Variants in LCAT observed in about 807,000 individuals in gnomAD.
The protein encoded by LCAT is phosphatidylcholine-sterol acyltransferase.
A neutral mutation model predicts 41.0 loss-of-function variants in LCAT; 15 were observed. The observed-to-expected ratio is 0.37, with a 90% CI of 0.24 to 0.56. The LOEUF is 0.56. Among genes scored for constraint, LCAT ranks in the 20% least tolerant of loss-of-function variants. The pLI, the probability that LCAT is intolerant of heterozygous loss-of-function variation, is 0.81. For missense variants in LCAT, 449 were observed against 595.1 expected (o/e 0.75, Z 2.55); for synonymous variants, 248 against 245.4 (o/e 1.01, Z -0.10).
At chr16:67,941,713 G>A (rs750154983) in intron 5 of LCAT, 15 of 995,728 alleles carry the variant, frequency 1.5e-5, no homozygotes, top group Non-Finnish European at 1.8e-5. Flanking sequence ...GGGCGGTGCT[G>A]GCTGTCCTCC....
rs368097111 is a variant in LCAT, at chr16:67,942,996, C to G, written c.312-20G>C. On this transcript the variant is annotated intron_variant, in intron 2 of 5. Coordinates refer to ENST00000264005, the MANE Select transcript of LCAT (RefSeq NM_000229.2). The surrounding 1 kb of genome is among the most constrained non-coding windows in gnomAD (Gnocchi z 6.6). ...ACAACCCTGCGGGGCGGGGGTGCCA[C>G]TCAGCAGCCAGTAGCCAAGGGGCAG... The G allele has an allele frequency of 4.3e-6, 7 of 1,613,664 alleles. No homozygotes were observed. The highest frequency in any genetic ancestry group is 5.1e-6 in the Non-Finnish European group (6 of 1,179,946).
In LCAT at chr16:67,942,350, G is replaced by C. The variant is rs750086555; in HGVS notation, c.748+13C>G. On this transcript the variant is annotated intron_variant, in intron 5 of 5. Transcript: ENST00000264005. This position sits in a 1 kb window ranked among gnomAD's most constrained non-coding sequence, Gnocchi z 6.6. Reference sequence around the variant, plus strand: ...CACCCATCGCTGGACCTAAGTGTTCGAGGCCTTCTCACCTGAGGCCAAGAC... The same window carrying C: ...CACCCATCGCTGGACCTAAGTGTTCCAGGCCTTCTCACCTGAGGCCAAGAC... 6.2e-6 allele frequency: 10 copies of C among 1,612,546 alleles called. No individual in the cohort carries two copies. The highest frequency in any genetic ancestry group is 1.3e-5 in the African/African-American group (1 of 74,890).
Position 67,943,258 on chromosome 16 carries a change from C to A in LCAT, c.155-46G>T, listed in dbSNP as rs1045288006. The stretch of plus-strand genomic sequence containing the variant: ...TCTGGACTCTGGATTCCCCCCGTGA[C>A]CCTTACCCCCGTCACCCCAGATGCT... On this transcript the variant is annotated intron_variant, in intron 1 of 5. Transcript: ENST00000264005. The surrounding 1 kb of genome is among the most constrained non-coding windows in gnomAD (Gnocchi z 4.6). 2 of 1,572,256 alleles carry A rather than the reference C, an allele frequency of 1.3e-6. No homozygotes were observed. The highest frequency in any genetic ancestry group is 2.7e-5 in the African/African-American group (2 of 72,972).
In LCAT at chr16:67,942,965, T is replaced by C. The variant is rs761902457; in HGVS notation, c.323A>G (p.Asn108Ser). The stretch of plus-strand genomic sequence containing the variant: ...GTTGGACACGAGCCCAGAGCTCCGG[T>C]TGTAGACAACCCTGCGGGGCGGGGG... Reference protein sequence around the residue: ...CWIDNTRVVYNRSSGLVSNAP... With the variant: ...CWIDNTRVVYSRSSGLVSNAP... The change falls in exon 3 of 6, where the codon AAC becomes AGC. Residue 108 changes from asparagine to serine, a missense_variant. Physicochemically the swap from Asn to Ser is conservative, Grantham distance 46. Coordinates refer to ENST00000264005, the MANE Select transcript of LCAT (RefSeq NM_000229.2). The surrounding 1 kb of genome is among the most constrained non-coding windows in gnomAD (Gnocchi z 6.6). 2.5e-6 allele frequency: 4 copies of C among 1,613,788 alleles called. No individual in the cohort carries two copies. In the Middle Eastern group the frequency reaches 5.0e-4, roughly 200 times the overall value.
chr16:67,940,606 A>G (rs1287435673), intron 5 of LCAT, 128 bp from the exon 6 acceptor site: 1 of 1,458,234 alleles, frequency 6.9e-7, no homozygotes, highest in Admixed American at 2.2e-5. Context: ...ACTCTAAGCC[A>G]CAGGCTTGAG....
Position 67,942,693 on chromosome 16 carries a change from G to A in LCAT, c.501C>T (p.Pro167=), listed in dbSNP as rs746914190. ...CACCGGGCTCCAGCCGCCAGTCATA[G>A]GGGGCGGCGCGCACAGTCTCGTCCC... ...YVRDETVRAA[P]YDWRLEPGQQ... The change falls in exon 4 of 6, where the codon CCC becomes CCT. Residue 167 remains proline, a synonymous_variant. Coordinates refer to ENST00000264005, the MANE Select transcript of LCAT (RefSeq NM_000229.2). This position sits in a 1 kb window ranked among gnomAD's most constrained non-coding sequence, Gnocchi z 6.6. 1 of 1,612,910 alleles carries A rather than the reference G, an allele frequency of 6.2e-7. No homozygotes were observed. The highest frequency in any genetic ancestry group is 1.1e-5 in the South Asian group (1 of 91,088).
At position 67,942,775 on chromosome 16, in the gene LCAT, G is replaced by A. The variant is rs2058299222; in HGVS notation, c.428-9C>T. ...CAGTGTGTGCAGGTACCCTGTGGGG[G>A]GACCAGCAGCACCGGGGGCTTGGGC... On this transcript the variant is annotated splice_polypyrimidine_tract_variant and intron_variant, in intron 3 of 5. Coordinates refer to ENST00000264005, the MANE Select transcript of LCAT (RefSeq NM_000229.2). This position sits in a 1 kb window ranked among gnomAD's most constrained non-coding sequence, Gnocchi z 6.6. 6.2e-7 allele frequency: 1 copy of A among 1,612,868 alleles called. No individual in the cohort carries two copies. The highest frequency in any genetic ancestry group is 8.5e-7 in the Non-Finnish European group (1 of 1,179,882).
Position 67,943,738 on chromosome 16 carries a change from T to C in LCAT, c.154+210A>G, listed in dbSNP as rs1437221167. ...ACCCCGTCCCCCACTCCGCCCCCCC[T>C]GGGTTAGACAACTGAGAGTCACAGT... On this transcript the variant is annotated intron_variant, in intron 1 of 5. Transcript: ENST00000264005. This position sits in a 1 kb window ranked among gnomAD's most constrained non-coding sequence, Gnocchi z 4.6. 3 of 576,394 alleles carry C rather than the reference T, an allele frequency of 5.2e-6. No individual in the cohort carries two copies. Among genetic ancestry groups the C allele is most frequent in the South Asian group, 2.4e-5 (1 of 41,270 alleles). The allele number at this position is 576,394 out of a possible 1,614,324, so 35.7% of individuals were successfully genotyped here.
At position 67,939,857 on chromosome 16, in the gene LCAT, C is replaced by T. The variant is rs752428799; in HGVS notation, c.*47G>A. On this transcript the variant is annotated 3_prime_UTR_variant, in exon 6 of 6. Coordinates refer to ENST00000264005, the MANE Select transcript of LCAT (RefSeq NM_000229.2). ...AGTGTGGGACTCTAGTGCCTCCCTT[C>T]AACCTGAAACATAGCCATCAGGGCT... The T allele has an allele frequency of 6.3e-7, 1 of 1,586,544 alleles. No homozygotes were observed. Among genetic ancestry groups the T allele is most frequent in the South Asian group, 1.1e-5 (1 of 86,960 alleles).
rs745320775 is a variant in LCAT at position 67,940,425 on chromosome 16, G to T, written c.802C>A (p.Arg268Ser). 3 of 1,613,986 alleles carry T rather than the reference G, an allele frequency of 1.9e-6. No homozygotes were observed. The highest frequency in any genetic ancestry group is 2.5e-6 in the Non-Finnish European group (3 of 1,180,030). ...ATCCAGGGGGAGGTGGTGGTTATGC[G>T]CTGCTCCTCTTTCAGCTTGATGCTG... is the stretch of plus-strand genomic sequence containing the variant. ...MSSIKLKEEQRITTTSPWMFP... is the reference protein window; with the variant it reads ...MSSIKLKEEQSITTTSPWMFP... Residue 268 changes from arginine to serine, a missense_variant, in exon 6 of 6, where the codon CGC becomes AGC. Coordinates refer to ENST00000264005, the MANE Select transcript of LCAT (RefSeq NM_000229.2).
Position 67,942,571 on chromosome 16 carries a change from G to A in LCAT, c.540C>T (p.Tyr180=), listed in dbSNP as rs1003139704. The stretch of plus-strand genomic sequence containing the variant: ...CCACCAGCCCTGCGAGCTTGCGGTA[G>A]TACTCCTCCTGCTGGCCTGCAGCGG... The part of the protein sequence containing the change: ...WRLEPGQQEE[Y]YRKLAGLVEE... The change falls in exon 5 of 6, where the codon TAC becomes TAT. Residue 180 remains tyrosine (Y), a synonymous_variant. Coordinates refer to ENST00000264005, the MANE Select transcript of LCAT (RefSeq NM_000229.2). The surrounding 1 kb of genome is among the most constrained non-coding windows in gnomAD (Gnocchi z 6.6). 1 of 1,613,432 alleles carries A rather than the reference G, an allele frequency of 6.2e-7. No homozygotes were observed. The highest frequency in any genetic ancestry group is 1.3e-5 in the African/African-American group (1 of 75,052).
At chr16:67,941,348 A>G (rs528244488) in intron 5 of LCAT, 2 of 152,092 alleles carry the variant, frequency 1.3e-5, no homozygotes, top group African/African-American at 4.8e-5. Context: ...AAGGCCCAGC[A>G]CAGTAGCTCA....
Position 67,943,927 on chromosome 16 carries a change from AGGGGCCTGGTG to A in LCAT, c.154+10_154+20del. 6.5e-7 allele frequency: 1 copy of A among 1,537,894 alleles called. No individual in the cohort carries two copies. The highest frequency in any genetic ancestry group is 8.8e-7 in the Non-Finnish European group (1 of 1,139,324). ...TCCCCAGGGTCTGGCGTGGTGCATC[AGGGGCCTGGTG>A]GGGGCTTACCGAGGATGACGGGCCG... On this transcript the variant is annotated intron_variant, in intron 1 of 5. Coordinates refer to ENST00000264005, the MANE Select transcript of LCAT (RefSeq NM_000229.2). This position sits in a 1 kb window ranked among gnomAD's most constrained non-coding sequence, Gnocchi z 4.6.
At chr16:67,941,340 G>C (rs2058289522) in intron 5 of LCAT, 1 of 151,580 alleles carries the variant, frequency 6.6e-6, no homozygotes, top group East Asian at 1.9e-4. Flanking sequence ...TTTTTTAAAA[G>C]GCCCAGCACA....
chr16:67,942,209 A>G lies in LCAT; in HGVS notation c.748+154T>C. 1 of 1,285,236 alleles carries G rather than the reference A, an allele frequency of 7.8e-7. No individual in the cohort carries two copies. Among genetic ancestry groups the G allele is most frequent in the South Asian group, 1.3e-5 (1 of 77,976 alleles). The allele number at this position is 1,285,236 out of a possible 1,614,324, so 79.6% of individuals were successfully genotyped here. On this transcript the variant is annotated intron_variant, in intron 5 of 5. Coordinates refer to ENST00000264005, the MANE Select transcript of LCAT (RefSeq NM_000229.2). This position sits in a 1 kb window ranked among gnomAD's most constrained non-coding sequence, Gnocchi z 6.6. The stretch of plus-strand genomic sequence containing the variant: ...CACCCTAATTGCTCAGGCCAGGGTC[A>G]CTGCTCTGGGGGCCAGTGACAGCAA...
chr16:67,941,892 A>T lies in LCAT; in HGVS notation c.748+471T>A, dbSNP rs1197104706. On this transcript the variant is annotated intron_variant, in intron 5 of 5. Transcript: ENST00000264005. Reference sequence around the variant, plus strand: ...TGTTTCTCTCTCCAGACCAGCTCCCAGGGTACAGGGGGTGGGGAGTAGGTG... The same window carrying T: ...TGTTTCTCTCTCCAGACCAGCTCCCTGGGTACAGGGGGTGGGGAGTAGGTG... 2.7e-6 allele frequency: 3 copies of T among 1,122,736 alleles called. No individual in the cohort carries two copies. The South Asian group carries it at 6.6e-5, about 25-fold the overall frequency. 69.5% of individuals were successfully genotyped at this position (1,122,736 alleles called of 1,614,324 possible). A position where few individuals can be genotyped will look rare whatever the true frequency, so the allele number is the denominator to read the frequency against.
At position 67,940,406 on chromosome 16, in the gene LCAT, G is replaced by C. The variant is rs2058285889; in HGVS notation, c.821C>G (p.Pro274Arg). Reference sequence around the variant, plus strand: ...CGCCATGCGAGAGGGAAACATCCAGGGGGAGGTGGTGGTTATGCGCTGCTC... The same window carrying C: ...CGCCATGCGAGAGGGAAACATCCAGCGGGAGGTGGTGGTTATGCGCTGCTC... The part of the protein sequence containing the change: ...KEEQRITTTS[P>R]WMFPSRMAWP... The change falls in exon 6 of 6, where the codon CCC (proline) becomes CGC (arginine). Residue 274 changes from proline (P) to arginine (R), a missense_variant. Transcript: ENST00000264005. 6.2e-7 allele frequency: 1 copy of C among 1,614,166 alleles called. No individual in the cohort carries two copies. Among genetic ancestry groups the C allele is most frequent in the Non-Finnish European group, 8.5e-7 (1 of 1,180,028 alleles).
Position 67,943,059 on chromosome 16 carries a change from G to C in LCAT, c.308C>G (p.Thr103Ser). ...AGGGTGGAGCACATGGCTGTACCTG[G>C]TGTTATCGATCCAGCAGTCTACCCC... is the stretch of plus-strand genomic sequence containing the variant. ...PLGVDCWIDNTRVVYNRSSGL... is the reference protein window; with the variant it reads ...PLGVDCWIDNSRVVYNRSSGL... Residue 103 changes from threonine to serine, a missense_variant, in exon 2 of 6, where the codon ACC becomes AGC. Transcript: ENST00000264005. This position sits in a 1 kb window ranked among gnomAD's most constrained non-coding sequence, Gnocchi z 4.6. 1 of 1,613,980 alleles carries C rather than the reference G, an allele frequency of 6.2e-7. No individual in the cohort carries two copies. The highest frequency in any genetic ancestry group is 1.1e-5 in the South Asian group (1 of 91,084).
rs1440905440 is a variant in LCAT, at chr16:67,939,928, G to A, written c.1299C>T (p.Ser433=). Residue 433 remains serine, a synonymous_variant, in exon 6 of 6, where the codon AGC becomes AGT. Transcript: ENST00000264005. Reference sequence around the variant, plus strand: ...TTTATTCAGGAGGCGGGGGCTCTGGGCTGGCAGTCGGGGATGCAGGGGGAC... The same window carrying A: ...TTTATTCAGGAGGCGGGGGCTCTGGACTGGCAGTCGGGGATGCAGGGGGAC... ...RQGPPASPTA[S]PEPPPPE 6.2e-7 allele frequency: 1 copy of A among 1,613,170 alleles called. No homozygotes were observed. Among genetic ancestry groups the A allele is most frequent in the African/African-American group, 1.3e-5 (1 of 74,940 alleles).
Sources: gnomAD v4.1 joint callset for allele counts on GRCh38, gnomAD v4.1.1 for gene constraint, Gnocchi (gnomAD v3.1) non-coding constraint, MANE v1.5 for transcripts, NCBI Gene and HGNC (gene_info 2026-07-23, HGNC 2026-07-21) for gene names.